Variants in DDX24 observed in about 807,000 individuals in gnomAD.
DDX24 encodes the protein DEAD-box helicase 24.
A neutral mutation model predicts 68.9 loss-of-function variants in DDX24; 24 were observed. The ratio of observed to expected loss-of-function variants is 0.35; its 90% CI spans 0.25 to 0.49. The LOEUF is 0.49. Ranked by LOEUF, DDX24 falls within the 20% of genes least tolerant of loss-of-function variation. The pLI, the probability that DDX24 is intolerant of heterozygous loss-of-function variation, is 0.99. For synonymous variants in DDX24, 395 were observed against 385.2 expected (o/e 1.03, Z -0.30); for missense variants, 989 against 1,039.0 (o/e 0.95, Z 0.66).
Position 94,079,503 on chromosome 14 carries a change from A to G in DDX24, c.240T>C (p.Ala80=). The change falls in exon 2 of 9, where the codon GCT becomes GCC. Residue 80 remains alanine, a synonymous_variant. Coordinates refer to ENST00000621632, the MANE Select transcript of DDX24 (RefSeq NM_020414.4). ...SKEAPKRKAQ[A]VSEEEEEEEG... ...CCTCCTCCTCCTCTTCTTCTGAAAC[A>G]GCTTGTGCCTTTCTCTTGGGTGCTT... is the stretch of plus-strand genomic sequence containing the variant. The G allele has an allele frequency of 6.2e-7, 1 of 1,614,108 alleles. No homozygotes were observed. The highest frequency in any genetic ancestry group is 1.1e-5 in the South Asian group (1 of 91,076).
At chr14:94,073,500 A>G (rs35472022) in intron 2 of DDX24, among the ~76,000 whole-genome samples, 47,191 of 151,820 alleles carry the variant, frequency 0.31, 7,519 homozygotes, top group Admixed American at 0.38. Context: ...GTATTGAAAA[A>G]CACATACCAT....
chr14:94,060,487 G>A lies in DDX24; in HGVS notation c.1524C>T (p.Ala508=), dbSNP rs1485794277. 6.2e-7 allele frequency: 1 copy of A among 1,614,114 alleles called. No individual in the cohort carries two copies. The highest frequency in any genetic ancestry group is 1.3e-5 in the African/African-American group (1 of 75,008). Residue 508 remains alanine (A), a synonymous_variant, in exon 5 of 9, where the codon GCC becomes GCT. Coordinates refer to ENST00000621632, the MANE Select transcript of DDX24 (RefSeq NM_020414.4). ...NPKRQTLVFS[A]TLTLVHQAPA... is the part of the protein sequence containing the mutation. ...GAGCCTGATGCACCAGGGTGAGTGTGGCAGAAAAAACAAGCGTTTGTCTCT... is the reference window on the plus strand; with the variant it reads ...GAGCCTGATGCACCAGGGTGAGTGTAGCAGAAAAAACAAGCGTTTGTCTCT...
intron 2 of DDX24, among the ~76,000 whole-genome samples, chr14:94,065,293 C>T: frequency 6.6e-6 from 1 of 151,800 alleles, no homozygotes; most frequent in East Asian, 1.9e-4. Context: ...ACCTCGTGAT[C>T]CACCTGCCCT....
intron 2 of DDX24, among the ~76,000 whole-genome samples, chr14:94,064,442 G>A (rs1363178409): frequency 6.6e-6 from 1 of 152,226 alleles, no homozygotes; most frequent in African/African-American, 2.4e-5. Context: ...TCAGGATGGG[G>A]GATGGAACTT....
At chr14:94,067,746 A>G (rs144250592) in intron 2 of DDX24, among the ~76,000 whole-genome samples, 1,543 of 152,334 alleles carry the variant, frequency 0.01, 29 homozygotes, top group African/African-American at 0.035. Context: ...AGCATCATAT[A>G]TGAAGGAAAG....
chr14:94,058,457 A>T (rs1408326580), intron 5 of DDX24, among the ~76,000 whole-genome samples: 1 of 152,118 alleles, frequency 6.6e-6, no homozygotes, highest in African/African-American at 2.4e-5. Context: ...TGCTCGACTT[A>T]CTTCTTAGGA....
At chr14:94,080,325 C>T (rs1251545809) in intron 1 of DDX24, among the ~76,000 whole-genome samples, 1 of 152,208 alleles carries the variant, frequency 6.6e-6, no homozygotes, top group African/African-American at 2.4e-5. Flanking sequence ...TAAAACCCAT[C>T]CAGTTTCTTC....
intron 6 of DDX24, 51 bp downstream of exon 6, chr14:94,057,771 A>C (rs1203357364): frequency 6.4e-7 from 1 of 1,573,306 alleles, no homozygotes; most frequent in Non-Finnish European, 8.7e-7. Context: ...TTGCCTTAAA[A>C]ATTCCCCATT....
In DDX24 at chr14:94,060,088, CCTAA is replaced by C; in HGVS notation, c.1913+6_1913+9del. On this transcript the variant is annotated splice_donor_region_variant and intron_variant, in intron 5 of 8. Transcript: ENST00000621632. Reference sequence around the variant, plus strand: ...TAGAGGTTAAGCCTCTGGGGACAGTCCTAACTTACTCTTCCAGACGGGCAAACTG... The same window carrying C: ...TAGAGGTTAAGCCTCTGGGGACAGTCCTTACTCTTCCAGACGGGCAAACTG... The C allele has an allele frequency of 6.2e-7, 1 of 1,607,966 alleles. No homozygotes were observed. The highest frequency in any genetic ancestry group is 8.5e-7 in the Non-Finnish European group (1 of 1,176,114).
At position 94,055,095 on chromosome 14, in the gene DDX24, A is replaced by G. The variant is rs145305591; in HGVS notation, c.2079T>C (p.Pro693=). The change falls in exon 7 of 9, where the codon CCT becomes CCC. Residue 693 remains proline (P), a synonymous_variant. Coordinates refer to ENST00000621632, the MANE Select transcript of DDX24 (RefSeq NM_020414.4). ...NEGLSLMLIG[P]EDVINFKKIY... ...TCTTCTTAAAGTTGATCACATCCTCAGGCCCAATGAGCATCAGACTGAGGC... is the reference window on the plus strand; with the variant it reads ...TCTTCTTAAAGTTGATCACATCCTCGGGCCCAATGAGCATCAGACTGAGGC... The G allele has an allele frequency of 6.2e-6, 10 of 1,614,122 alleles. No individual in the cohort carries two copies. The African/African-American group carries it at 1.2e-4, about 19-fold the overall frequency.
chr14:94,066,520 G>A (rs1885708438), intron 2 of DDX24, among the ~76,000 whole-genome samples: 1 of 152,200 alleles, frequency 6.6e-6, no homozygotes, highest in South Asian at 2.1e-4. Context: ...CTCCTGGCAG[G>A]AGGCCAACTA....
At chr14:94,056,204 T>C (rs1272310799) in intron 6 of DDX24, 3 of 152,202 alleles carry the variant, frequency 2.0e-5, no homozygotes. Flanking sequence ...AAATATGTAT[T>C]TGCTCTTCAT....
intron 2 of DDX24, among the ~76,000 whole-genome samples, chr14:94,071,505 C>T (rs1004392076): frequency 1.3e-5 from 2 of 151,968 alleles, no homozygotes; most frequent in East Asian, 1.9e-4. Flanking sequence ...AAAAATTAGT[C>T]GGGCATGGTG....
At chr14:94,075,471 C>T (rs950680688) in intron 2 of DDX24, among the ~76,000 whole-genome samples, 2 of 152,134 alleles carry the variant, frequency 1.3e-5, no homozygotes, top group Admixed American at 1.3e-4. Context: ...AAACTTTGAT[C>T]CATACTTCTC....
chr14:94,072,122 G>T (rs559577993), intron 2 of DDX24, among the ~76,000 whole-genome samples: 2 of 152,282 alleles, frequency 1.3e-5, no homozygotes, highest in South Asian at 2.1e-4. Flanking sequence ...CAGAGGAAAA[G>T]AAGTCATTAT....
At chr14:94,062,679 C>T in intron 2 of DDX24, 58 bp from the exon 3 acceptor site, 6 of 1,532,052 alleles carry the variant, frequency 3.9e-6, no homozygotes, top group Non-Finnish European at 4.4e-6. Context: ...GATGAACATA[C>T]TTTAGTCTGG....
intron 2 of DDX24, among the ~76,000 whole-genome samples, chr14:94,073,086 CTTT>C (rs10716706): frequency 9.6e-5 from 12 of 125,650 alleles, no homozygotes; most frequent in East Asian, 4.5e-4. Context: ...ATTTTCTTTT[CTTT>C]TTTTTTTTTT....
intron 2 of DDX24, among the ~76,000 whole-genome samples, chr14:94,071,646 A>C (rs1885832363): frequency 1.3e-5 from 2 of 151,368 alleles, no homozygotes; most frequent in Admixed American, 1.3e-4. Flanking sequence ...TGAGCCTTTG[A>C]CTTAAAAAAA....
At chr14:94,054,161 G>A (rs189824770) in intron 7 of DDX24, among the ~76,000 whole-genome samples, 3 of 152,334 alleles carry the variant, frequency 2.0e-5, no homozygotes, top group Admixed American at 1.3e-4. Flanking sequence ...CAGTGCAGTG[G>A]CAAAATGAGA....
Sources: allele counts gnomAD v4.1 joint callset (sites outside exome capture counted in the v4.1 genomes callset), GRCh38; gene constraint gnomAD v4.1.1; transcripts MANE v1.5; gene names NCBI Gene and HGNC (gene_info 2026-07-23, HGNC 2026-07-21).